The following TRMT11 variants were observed in gnomAD, a reference collection of about 807,000 sequenced individuals.
TRMT11 encodes the protein tRNA methyltransferase 11.
A neutral mutation model predicts 62.8 loss-of-function variants in TRMT11; 53 were observed. The ratio of observed to expected loss-of-function variants is 0.84; its 90% confidence interval spans 0.68 to 1.06. TRMT11 has a LOEUF of 1.06. TRMT11 is among the 50% of genes least tolerant of loss of function. The pLI, the probability that TRMT11 is intolerant of heterozygous loss-of-function variation, is 0.00. For synonymous variants in TRMT11, 188 were observed against 190.3 expected, an observed-to-expected ratio of 0.99 and a Z score of 0.10; for missense variants, 556 against 553.4, an observed-to-expected ratio of 1.00 and a Z score of -0.05.
At chr6:126,136,269 A>G (rs1025853147) in intron 21 of TRMT11, among the ~76,000 whole-genome samples, 3 of 151,712 alleles carry the variant, frequency 2.0e-5, no homozygotes, top group Admixed American at 6.6e-5. Flanking sequence ...AAAAACTTTT[A>G]GAACTGAAAA....
chr6:126,189,892 A>G (rs1778575471), intron 1 of TRMT11, among the ~76,000 whole-genome samples: 1 of 151,942 alleles, frequency 6.6e-6, no homozygotes, highest in Admixed American at 6.6e-5. Context: ...TTATTCTTTG[A>G]TTCTTTTGTA....
At chr6:126,049,136 C>T (rs559687648) in intron 16 of TRMT11, among the ~76,000 whole-genome samples, 22 of 152,354 alleles carry the variant, frequency 1.4e-4, no homozygotes, top group African/African-American at 4.3e-4. Context: ...TTTTCTCTGG[C>T]AGCCCTTTAC....
chr6:126,227,612 A>C, the TRMT11 span, among the ~76,000 whole-genome samples: 1 of 152,162 alleles, frequency 6.6e-6, no homozygotes, highest in African/African-American at 2.4e-5. Context: ...AAATTAATGA[A>C]ATTCCCTTCA....
the TRMT11 span, among the ~76,000 whole-genome samples, chr6:126,242,447 A>G: frequency 3.1e-4 from 47 of 152,294 alleles, no homozygotes; most frequent in South Asian, 9.7e-3. Context: ...TAAAGTTCAT[A>G]TGGTACCAAA....
chr6:126,237,166 C>T, the TRMT11 span, among the ~76,000 whole-genome samples: 1 of 152,010 alleles, frequency 6.6e-6, no homozygotes, highest in South Asian at 2.1e-4. Context: ...TTCCTAGAGC[C>T]TTTCCGGGAA....
chr6:126,059,812 C>A (rs1177927241), intron 17 of TRMT11, among the ~76,000 whole-genome samples: 1 of 152,134 alleles, frequency 6.6e-6, no homozygotes. Flanking sequence ...AAGTACGTTT[C>A]TCTAGGATAA....
intron 12 of TRMT11, among the ~76,000 whole-genome samples, chr6:126,036,502 G>A (rs890020547): frequency 3.9e-5 from 6 of 151,964 alleles, no homozygotes; most frequent in Non-Finnish European, 7.4e-5. Context: ...AGATGTTTAG[G>A]ATATACGAGT....
chr6:126,250,169 C>T, the TRMT11 span, among the ~76,000 whole-genome samples: 1 of 152,164 alleles, frequency 6.6e-6, no homozygotes, highest in Non-Finnish European at 1.5e-5. Context: ...CAACAGACTT[C>T]AATGCTGCAG....
chr6:126,178,600 C>G (rs1029435232), intron 1 of TRMT11, among the ~76,000 whole-genome samples: 1 of 152,186 alleles, frequency 6.6e-6, no homozygotes, highest in East Asian at 1.9e-4. Context: ...TAGATACTTT[C>G]TGTTCTGCCT....
intron 17 of TRMT11, among the ~76,000 whole-genome samples, chr6:126,103,303 G>C (rs1335129510): frequency 4.6e-5 from 7 of 152,166 alleles, no homozygotes; most frequent in African/African-American, 1.7e-4. Context: ...GTGTCTAAAG[G>C]ATTAAAAGTG....
Position 126,079,023 on chromosome 6 carries a change from A to G in TRMT11, c.*1437+25833A>G, listed in dbSNP as rs529247194. On this transcript the variant is annotated intron_variant and NMD_transcript_variant, in intron 17 of 22. Coordinates refer to the TRMT11 transcript ENST00000648977. The stretch of plus-strand genomic sequence containing the variant: ...ATGAGTAAACTATGGACTTAGAAAG[A>G]TGTAGTTGCTTGTTAAATTCTCAGC... 4.6e-5 allele frequency among the ~76,000 whole-genome samples: 7 copies of G among 152,280 alleles called. No individual in the cohort carries two copies. The East Asian group carries it at 1.4e-3, about 29-fold the overall frequency.
intron 17 of TRMT11, among the ~76,000 whole-genome samples, chr6:126,098,240 T>C (rs897611371): frequency 2.3e-4 from 35 of 152,152 alleles, no homozygotes; most frequent in African/African-American, 8.2e-4. Flanking sequence ...GTTCATTTCC[T>C]TGGGGGCAGG....
chr6:126,035,752 A>C (rs769382027), intron 12 of TRMT11, among the ~76,000 whole-genome samples: 1 of 152,092 alleles, frequency 6.6e-6, no homozygotes, highest in Non-Finnish European at 1.5e-5. Flanking sequence ...CATACATTTT[A>C]ATCATTACTT....
At chr6:126,257,909 G>A in the TRMT11 span, 4 of 1,505,782 alleles carry the variant, frequency 2.7e-6, no homozygotes, top group Non-Finnish European at 3.7e-6. Flanking sequence ...CATTCACCTG[G>A]GTCAAGGACC....
intron 17 of TRMT11, among the ~76,000 whole-genome samples, chr6:126,054,988 A>G: frequency 6.6e-6 from 1 of 152,174 alleles, no homozygotes; most frequent in Non-Finnish European, 1.5e-5. Context: ...TTTTTGAGAC[A>G]GGGTCTGGCT....
At chr6:126,225,871 G>A in the TRMT11 span, among the ~76,000 whole-genome samples, 4 of 151,560 alleles carry the variant, frequency 2.6e-5, no homozygotes, top group African/African-American at 9.7e-5. Flanking sequence ...TGTATTTTTA[G>A]TACAGATGGG....
intron 12 of TRMT11, among the ~76,000 whole-genome samples, chr6:126,024,785 CACTT>C (rs1161476117): frequency 1.3e-5 from 2 of 152,202 alleles, no homozygotes; most frequent in Admixed American, 6.5e-5. Flanking sequence ...CTCTCCTAGT[CACTT>C]ACTTCTCATG....
chr6:126,035,664 T>A (rs1341829960), intron 12 of TRMT11, among the ~76,000 whole-genome samples: 1 of 152,118 alleles, frequency 6.6e-6, no homozygotes, highest in Non-Finnish European at 1.5e-5. Context: ...AGGGCTTATT[T>A]TGCCTTTATT....
intron 21 of TRMT11, among the ~76,000 whole-genome samples, chr6:126,169,824 T>G (rs554173378): frequency 6.5e-4 from 99 of 152,270 alleles, no homozygotes; most frequent in African/African-American, 2.3e-3. Flanking sequence ...TTTTGTTATT[T>G]AAAAAATATA....
Sources: gnomAD v4.1 joint callset for allele counts (sites outside exome capture counted in the v4.1 genomes callset) on GRCh38, gnomAD v4.1.1 for gene constraint, MANE v1.5 for transcripts, NCBI Gene and HGNC (gene_info 2026-07-23, HGNC 2026-07-21) for gene names.